The following PATJ variants were observed in gnomAD, a reference collection of about 807,000 sequenced individuals.
The protein encoded by PATJ is PATJ crumbs cell polarity complex component.
Under a neutral mutation model 224.9 loss-of-function variants are expected in PATJ, and 190 were observed. The observed-to-expected ratio is 0.84, with a 90% confidence interval of 0.75 to 0.95. The LOEUF (loss-of-function observed/expected upper bound fraction) is 0.95. Ranked by LOEUF, PATJ falls within the 40% of genes least tolerant of loss-of-function variation. The pLI is 0.00. For synonymous variants in PATJ, 769 were observed against 820.3 expected, an observed-to-expected ratio of 0.94 and a Z score of 1.07; for missense variants, 2,121 against 2,270.3, an observed-to-expected ratio of 0.93 and a Z score of 1.34.
At chr1:61,896,200 G>T (rs116141939) in intron 22 of PATJ, among the ~76,000 whole-genome samples, 13 of 151,662 alleles carry the variant, frequency 8.6e-5, no homozygotes, top group Admixed American at 2.6e-4. Flanking sequence ...GGGAGGCCAA[G>T]TCAGGAGAAT....
rs776686586 is a variant in PATJ, at chr1:62,128,934, A to G, written c.5260A>G (p.Ile1754Val). 6.8e-6 allele frequency: 11 copies of G among 1,608,014 alleles called. No individual in the cohort carries two copies. Among genetic ancestry groups the G allele is most frequent in the Non-Finnish European group, 9.4e-6 (11 of 1,174,624 alleles). ...VNLLKNAYGR[I>V]ILQVVADTNI... ...TCTGCTGAAGAACGCCTACGGGCGC[A>G]TTATCCTGCAGGTATTGCGATCAAC... is the stretch of plus-strand genomic sequence containing the variant. The change falls in exon 41 of 44, where the codon ATT becomes GTT. Residue 1754 changes from isoleucine to valine, a missense_variant. Coordinates refer to ENST00000642238, the MANE Select transcript of PATJ (RefSeq NM_001350145.3).
At chr1:61,963,730 C>T (rs939804212) in intron 27 of PATJ, among the ~76,000 whole-genome samples, 2 of 152,142 alleles carry the variant, frequency 1.3e-5, no homozygotes, top group Non-Finnish European at 2.9e-5. Flanking sequence ...CAGGGTTGGT[C>T]TTGCTGTCTC....
chr1:61,902,140 G>T (rs2482897), intron 24 of PATJ, among the ~76,000 whole-genome samples: 114,228 of 151,326 alleles, frequency 0.75, 43,366 homozygotes, highest in East Asian at 1. Context: ...AGAATCGCTG[G>T]AACCCTGGAG....
intron 39 of PATJ, among the ~76,000 whole-genome samples, chr1:62,125,247 AAAAAAAC>A (rs1665564053): frequency 2.9e-5 from 3 of 104,062 alleles, no homozygotes; most frequent in East Asian, 2.7e-4. Context: ...AAAAAAAAAA[AAAAAAAC>A]AAAAAAAAAC....
At chr1:61,871,472 T>TATATAC (rs1471726305) in intron 20 of PATJ, among the ~76,000 whole-genome samples, 1 of 98,764 alleles carries the variant, frequency 1.0e-5, no homozygotes, top group African/African-American at 4.0e-5. Context: ...TATATGTATA[T>TATATAC]ACATATATAT....
chr1:62,156,055 A>G (rs1485557470), intron 43 of PATJ, among the ~76,000 whole-genome samples: 1 of 21,820 alleles, frequency 4.6e-5, no homozygotes, highest in Admixed American at 7.2e-4. Context: ...AAGACTCTGT[A>G]AAAAAAAAAA....
intron 13 of PATJ, among the ~76,000 whole-genome samples, chr1:61,806,523 G>A (rs1653590370): frequency 6.6e-6 from 1 of 151,862 alleles, no homozygotes; most frequent in African/African-American, 2.4e-5. Context: ...GGAGACTGAG[G>A]CAGGAGAATG....
intron 27 of PATJ, among the ~76,000 whole-genome samples, chr1:61,961,300 T>C (rs1290562268): frequency 6.6e-6 from 1 of 152,072 alleles, no homozygotes; most frequent in Non-Finnish European, 1.5e-5. Context: ...GCACAACCAA[T>C]CATGGTTGAC....
chr1:61,799,470 C>T (rs760919626), intron 11 of PATJ, among the ~76,000 whole-genome samples: 6 of 152,204 alleles, frequency 3.9e-5, no homozygotes, highest in Non-Finnish European at 8.8e-5. Flanking sequence ...GCTTGGATTA[C>T]AGGCGTGATC....
intron 29 of PATJ, among the ~76,000 whole-genome samples, chr1:62,028,580 A>G (rs1648507984): frequency 6.6e-6 from 1 of 151,126 alleles, no homozygotes; most frequent in African/African-American, 2.4e-5. Flanking sequence ...GGAATTCAAG[A>G]CCAGACTGGG....
At position 61,907,943 on chromosome 1, in the gene PATJ, T is replaced by C. The variant is rs75716252; in HGVS notation, c.3382-429T>C. ...TTTGAGAAATGTTCAACTACTCAAT[T>C]GTGATAACAAGCAATTTACTTAAAA... On this transcript the variant is annotated intron_variant, in intron 24 of 43. Coordinates refer to ENST00000642238, the MANE Select transcript of PATJ (RefSeq NM_001350145.3). Among the ~76,000 whole-genome samples the C allele has an allele frequency of 4.7e-4, 72 of 152,302 alleles. 2 individuals carry two copies. In the East Asian group the frequency reaches 0.013, roughly 27 times the overall value.
At chr1:62,071,978 T>C (rs17123042) in intron 31 of PATJ, among the ~76,000 whole-genome samples, 2,185 of 152,206 alleles carry the variant, frequency 0.014, 57 homozygotes, top group African/African-American at 0.05. Context: ...TCCAAACCAG[T>C]CTCTCCTGTT....
intron 22 of PATJ, among the ~76,000 whole-genome samples, chr1:61,888,831 A>G (rs1016501905): frequency 6.6e-6 from 1 of 152,224 alleles, no homozygotes; most frequent in Non-Finnish European, 1.5e-5. Context: ...TTTTCTTTCA[A>G]AATGAGTATT....
chr1:61,985,106 G>T (rs150374086), intron 27 of PATJ, among the ~76,000 whole-genome samples: 2,037 of 152,176 alleles, frequency 0.013, 38 homozygotes, highest in Middle Eastern at 0.041. Flanking sequence ...AAGGTCAAGA[G>T]ATCAAGACCA....
chr1:62,128,901 G>A lies in PATJ; in HGVS notation c.5227G>A (p.Val1743Met), dbSNP rs1665995046. ...QPLDGLSHAD[V>M]VNLLKNAYGR... ...TTTGGATGGGCTGTCTCACGCGGAT[G>A]TGGTTAATCTGCTGAAGAACGCCTA... Residue 1743 changes from valine to methionine, a missense_variant, in exon 41 of 44, where the codon GTG becomes ATG. Coordinates refer to ENST00000642238, the MANE Select transcript of PATJ (RefSeq NM_001350145.3). The A allele has an allele frequency of 5.0e-6, 8 of 1,613,510 alleles. No homozygotes were observed. Among genetic ancestry groups the A allele is most frequent in the Non-Finnish European group, 6.8e-6 (8 of 1,179,588 alleles).
intron 41 of PATJ, among the ~76,000 whole-genome samples, chr1:62,140,679 A>C (rs1040247004): frequency 1.3e-5 from 2 of 152,022 alleles, no homozygotes; most frequent in African/African-American, 4.8e-5. Context: ...TTTTACCCAA[A>C]TAAAACTATG....
chr1:62,012,121 A>G (rs573887269), intron 28 of PATJ, among the ~76,000 whole-genome samples: 1 of 152,206 alleles, frequency 6.6e-6, no homozygotes, highest in South Asian at 2.1e-4. Context: ...TTTGGTTGAT[A>G]CTGACTTTTT....
At chr1:62,038,100 G>T in intron 30 of PATJ, 51 bp downstream of exon 30, 1 of 1,127,420 alleles carries the variant, frequency 8.9e-7, no homozygotes. Flanking sequence ...TTTGTCATGA[G>T]CATTTTCCCC....
chr1:61,943,017 CCAT>C (rs1678048336), intron 27 of PATJ, among the ~76,000 whole-genome samples: 1 of 152,154 alleles, frequency 6.6e-6, no homozygotes, highest in African/African-American at 2.4e-5. Context: ...AGCCAAATGT[CCAT>C]CAACTGGTGA....
Sources: allele counts gnomAD v4.1 joint callset (sites outside exome capture counted in the v4.1 genomes callset), GRCh38; gene constraint gnomAD v4.1.1; transcripts MANE v1.5; gene names NCBI Gene and HGNC (gene_info 2026-07-23, HGNC 2026-07-21).